PCDHGB6: variants seen among roughly 807,000 people sequenced by gnomAD.
PCDHGB6 encodes protocadherin gamma subfamily B, 6.
Under a neutral mutation model 59.1 loss-of-function variants are expected in PCDHGB6, and 51 were observed. The ratio of observed to expected loss-of-function variants is 0.86; its 90% CI spans 0.69 to 1.09. The LOEUF (loss-of-function observed/expected upper bound fraction) is 1.09, where lower values mean the gene tolerates loss of function less well. Among genes scored for constraint, PCDHGB6 ranks in the 50% least tolerant of loss-of-function variants. The pLI, the probability that PCDHGB6 is intolerant of heterozygous loss-of-function variation, is 0.00. For synonymous variants in PCDHGB6, 466 were observed against 495.1 expected (o/e 0.94, Z 0.78); for missense variants, 1,148 against 1,205.1 (o/e 0.95, Z 0.70).
intron 1 of PCDHGB6, among the ~76,000 whole-genome samples, chr5:141,438,587 CATACATAT>C (rs1166583123): frequency 1.2e-4 from 9 of 73,430 alleles, no homozygotes; most frequent in Non-Finnish European, 1.6e-4. Flanking sequence ...TACATACATA[CATACATAT>C]ATATATATAT....
In PCDHGB6 at chr5:141,432,751, G is replaced by A; in HGVS notation, c.2418+22131G>A. The A allele has an allele frequency of 6.2e-7, 1 of 1,614,130 alleles. No homozygotes were observed. Among genetic ancestry groups the A allele is most frequent in the Non-Finnish European group, 8.5e-7 (1 of 1,179,982 alleles). Reference sequence around the variant, plus strand: ...CCACTGTCACGCTCACCGTGGCCGTGGCCGACAGCATCCCCCAAGTCCTGG... The same window carrying A: ...CCACTGTCACGCTCACCGTGGCCGTAGCCGACAGCATCCCCCAAGTCCTGG... On this transcript the variant is annotated intron_variant, in intron 1 of 3. Transcript: ENST00000520790. This position sits in a 1 kb window ranked among gnomAD's most constrained non-coding sequence, Gnocchi z 6.0.
Position 141,485,291 on chromosome 5 carries a change from CAGGA to C in PCDHGB6, c.2419-9512_2419-9509del. ...CCGCTACCCGGTCCCAGAGGAGTCA[CAGGA>C]AGGGACTTTTGTAGGGAATGTCGCT... On this transcript the variant is annotated intron_variant, in intron 1 of 3. Transcript: ENST00000520790. The surrounding 1 kb of genome is among the most constrained non-coding windows in gnomAD (Gnocchi z 5.7). 1 of 1,614,152 alleles carries C rather than the reference CAGGA, an allele frequency of 6.2e-7. No individual in the cohort carries two copies. Among genetic ancestry groups the C allele is most frequent in the Non-Finnish European group, 8.5e-7 (1 of 1,179,992 alleles).
At chr5:141,466,929 T>C (rs2099132302) in intron 1 of PCDHGB6, among the ~76,000 whole-genome samples, 1 of 152,232 alleles carries the variant, frequency 6.6e-6, no homozygotes, top group African/African-American at 2.4e-5. Context: ...TTAGGAATAT[T>C]AGTCCTTTGT....
intron 1 of PCDHGB6, among the ~76,000 whole-genome samples, chr5:141,494,338 ACAG>A (rs2099753688): frequency 6.6e-6 from 1 of 152,224 alleles, no homozygotes; most frequent in African/African-American, 2.4e-5. Flanking sequence ...GTTACCAAGA[ACAG>A]CAGCCATCTT....
chr5:141,489,159 T>G lies in PCDHGB6; in HGVS notation c.2419-5648T>G. On this transcript the variant is annotated intron_variant, in intron 1 of 3. Transcript: ENST00000520790. This position sits in a 1 kb window ranked among gnomAD's most constrained non-coding sequence, Gnocchi z 4.5. ...AGGCTGGAAGGAGACATAAGAGACT[T>G]CAGCTGCTGCATTCCAAGCCCTGGG... is the stretch of plus-strand genomic sequence containing the variant. 2 of 1,023,152 alleles carry G rather than the reference T, an allele frequency of 2.0e-6. No individual in the cohort carries two copies. Among genetic ancestry groups the G allele is most frequent in the Non-Finnish European group, 2.9e-6 (2 of 697,120 alleles). The allele number at this position is 1,023,152 out of a possible 1,614,324, so 63.4% of individuals were successfully genotyped here. A position where few individuals can be genotyped will look rare whatever the true frequency, so the allele number is the denominator to read the frequency against.
intron 3 of PCDHGB6, among the ~76,000 whole-genome samples, chr5:141,506,700 G>GT (rs1446452157): frequency 2.0e-5 from 3 of 152,138 alleles, no homozygotes; most frequent in Admixed American, 1.3e-4. Context: ...ACCCAAACCC[G>GT]TTTTTTACTG....
intron 1 of PCDHGB6, among the ~76,000 whole-genome samples, chr5:141,435,099 TA>T (rs892317840): frequency 2.0e-5 from 3 of 152,260 alleles, no homozygotes; most frequent in African/African-American, 7.2e-5. Context: ...TCTGTTTATC[TA>T]GGGGGGAGAA....
Position 141,476,217 on chromosome 5 carries a change from A to G in PCDHGB6, c.2419-18590A>G. On this transcript the variant is annotated intron_variant, in intron 1 of 3. Coordinates refer to ENST00000520790, the MANE Select transcript of PCDHGB6 (RefSeq NM_018926.3). This position sits in a 1 kb window ranked among gnomAD's most constrained non-coding sequence, Gnocchi z 7.6. ...TTGAACAAGGCTTCCACGGTCATTC[A>G]CTATGAGATCCCGGAGGAAAGAGAG... The G allele has an allele frequency of 6.2e-7, 1 of 1,613,836 alleles. No homozygotes were observed. The highest frequency in any genetic ancestry group is 2.2e-5 in the East Asian group (1 of 44,818).
chr5:141,419,276 C>G (rs1361651445), intron 1 of PCDHGB6: 1 of 1,613,920 alleles, frequency 6.2e-7, no homozygotes, highest in African/African-American at 1.3e-5. Flanking sequence ...CTCCATAGCG[C>G]AAGTCAGTGC....
intron 1 of PCDHGB6, among the ~76,000 whole-genome samples, chr5:141,442,702 T>A (rs1301940560): frequency 1.3e-5 from 2 of 152,342 alleles, no homozygotes; most frequent in African/African-American, 4.8e-5. Context: ...GACAAGAGTA[T>A]CAGACATGCC....
At chr5:141,426,423 G>T in intron 1 of PCDHGB6, 1 of 290,954 alleles carries the variant, frequency 3.4e-6, no homozygotes, top group Non-Finnish European at 6.8e-6. Context: ...AGGGCTCCGT[G>T]GTGGGGAACC....
intron 1 of PCDHGB6, chr5:141,427,778 A>T: frequency 1.4e-6 from 2 of 1,436,676 alleles, no homozygotes; most frequent in Non-Finnish European, 1.9e-6. Context: ...AGCTGCGGGC[A>T]CTGTCGTCCT....
chr5:141,471,747 T>A (rs2099263878), intron 1 of PCDHGB6, among the ~76,000 whole-genome samples: 1 of 152,200 alleles, frequency 6.6e-6, no homozygotes, highest in African/African-American at 2.4e-5. Context: ...ACATAACATA[T>A]TTGAGGGTGT....
Position 141,510,866 on chromosome 5 carries a change from C to G in PCDHGB6, c.2567-81C>G. 1.9e-6 allele frequency: 3 copies of G among 1,607,908 alleles called. No homozygotes were observed. The East Asian group carries it at 6.7e-5, about 36-fold the overall frequency. ...AGGCCCAGGGTGCTGTATAGGCATT[C>G]ATTAACTGCTGGGGATATAAGACAG... On this transcript the variant is annotated intron_variant, in intron 3 of 3. Coordinates refer to ENST00000520790, the MANE Select transcript of PCDHGB6 (RefSeq NM_018926.3).
At position 141,421,063 on chromosome 5, in the gene PCDHGB6, G is replaced by A. The variant is rs575695102; in HGVS notation, c.2418+10443G>A. 4.7e-4 allele frequency: 274 copies of A among 581,982 alleles called. 4 individuals are homozygous for A. The South Asian group carries it at 6.4e-3, about 14-fold the overall frequency. 36.1% of individuals were successfully genotyped at this position (581,982 alleles called of 1,614,324 possible). On this transcript the variant is annotated intron_variant, in intron 1 of 3. Transcript: ENST00000520790. ...CTCCCCCGCCTCTACCACACAAAGC[G>A]GAATGAGATGGATACTCACAGATCC... is the stretch of plus-strand genomic sequence containing the variant.
At position 141,431,735 on chromosome 5, in the gene PCDHGB6, G is replaced by A. The variant is rs2097411908; in HGVS notation, c.2418+21115G>A. 1.2e-6 allele frequency: 2 copies of A among 1,614,118 alleles called. No homozygotes were observed. Among genetic ancestry groups the A allele is most frequent in the Non-Finnish European group, 1.7e-6 (2 of 1,180,056 alleles). On this transcript the variant is annotated intron_variant, in intron 1 of 3. Transcript: ENST00000520790. The surrounding 1 kb of genome is among the most constrained non-coding windows in gnomAD (Gnocchi z 4.8). ...GGAAGTGCAAGCAATGGATAATGCAGGATATTCTGCGCGAGCCAAAGTCCT... is the reference window on the plus strand; with the variant it reads ...GGAAGTGCAAGCAATGGATAATGCAAGATATTCTGCGCGAGCCAAAGTCCT...
At position 141,490,207 on chromosome 5, in the gene PCDHGB6, C is replaced by G. The variant is rs142098675; in HGVS notation, c.2419-4600C>G. ...TTTCTATGAAATTCATGCAAGAGCC[C>G]GTGACCAGGGACAGCCTGCCATGGA... On this transcript the variant is annotated intron_variant, in intron 1 of 3. Coordinates refer to ENST00000520790, the MANE Select transcript of PCDHGB6 (RefSeq NM_018926.3). This position sits in a 1 kb window ranked among gnomAD's most constrained non-coding sequence, Gnocchi z 5.4. 2.9e-4 allele frequency: 470 copies of G among 1,614,056 alleles called. 1 individual carries two copies. Among genetic ancestry groups the G allele is most frequent in the Non-Finnish European group, 3.7e-4 (439 of 1,180,030 alleles).
rs758066525 is a variant in PCDHGB6, at chr5:141,477,331, T to C, written c.2419-17476T>C. The C allele has an allele frequency of 7.4e-6, 12 of 1,614,024 alleles. No individual in the cohort carries two copies. In the East Asian group the frequency reaches 1.1e-4, roughly 15 times the overall value. Reference sequence around the variant, plus strand: ...TCAGCCTTACTTCTTCCCTCAAGAATTACTTCACTTTGAAAACCAGTGCAG... The same window carrying C: ...TCAGCCTTACTTCTTCCCTCAAGAACTACTTCACTTTGAAAACCAGTGCAG... On this transcript the variant is annotated intron_variant, in intron 1 of 3. Coordinates refer to ENST00000520790, the MANE Select transcript of PCDHGB6 (RefSeq NM_018926.3). This position sits in a 1 kb window ranked among gnomAD's most constrained non-coding sequence, Gnocchi z 4.9.
In PCDHGB6 at chr5:141,408,459, T is replaced by A; in HGVS notation, c.257T>A (p.Val86Glu). 5 of 1,613,950 alleles carry A rather than the reference T, an allele frequency of 3.1e-6. No homozygotes were observed. The East Asian group carries it at 1.1e-4, about 36-fold the overall frequency. ...SVDAESGDLL[V>E]KNRIDREQIC... Reference sequence around the variant, plus strand: ...GACGCGGAGAGCGGGGACTTACTTGTGAAGAACCGAATAGACCGTGAGCAA... The same window carrying A: ...GACGCGGAGAGCGGGGACTTACTTGAGAAGAACCGAATAGACCGTGAGCAA... Residue 86 changes from valine to glutamate, a missense_variant, in exon 1 of 4, where the codon GTG becomes GAG. Physicochemically the swap from Val to Glu is moderately radical, Grantham distance 121. Transcript: ENST00000520790.
Sources: gnomAD v4.1 joint callset for allele counts (sites outside exome capture counted in the v4.1 genomes callset) on GRCh38, gnomAD v4.1.1 for gene constraint, Gnocchi (gnomAD v3.1) non-coding constraint, MANE v1.5 for transcripts, NCBI Gene and HGNC (gene_info 2026-07-23, HGNC 2026-07-21) for gene names.